ARFGEF1: variants seen among roughly 807,000 people sequenced by gnomAD.
ARFGEF1 encodes ARF guanine nucleotide exchange factor 1.
Under a neutral mutation model 231.0 loss-of-function variants are expected in ARFGEF1, and 42 were observed. That is an observed-to-expected ratio of 0.18 (90% CI 0.14 to 0.24). ARFGEF1 has a LOEUF of 0.24. Ranked by LOEUF, ARFGEF1 falls within the 10% of genes least tolerant of loss-of-function variation. ARFGEF1 has a pLI of 1.00. For synonymous variants in ARFGEF1, 710 were observed against 732.3 expected, an observed-to-expected ratio of 0.97 and a Z score of 0.49; for missense variants, 1,345 against 2,192.0, an observed-to-expected ratio of 0.61 and a Z score of 7.72.
At chr8:67,341,039 T>G (rs1357850938) in intron 1 of ARFGEF1, among the ~76,000 whole-genome samples, 2 of 152,156 alleles carry the variant, frequency 1.3e-5, no homozygotes, top group Non-Finnish European at 2.9e-5. Context: ...CATACAATCA[T>G]TAAGTTCAAT....
intron 17 of ARFGEF1, among the ~76,000 whole-genome samples, chr8:67,255,244 G>A (rs561809242): frequency 4.6e-5 from 7 of 152,166 alleles, no homozygotes; most frequent in Non-Finnish European, 1.0e-4. Context: ...TTCTGAAGCT[G>A]TATAAAACAA....
intron 14 of ARFGEF1, among the ~76,000 whole-genome samples, chr8:67,261,970 A>G (rs1456921341): frequency 2.6e-5 from 4 of 152,040 alleles, no homozygotes; most frequent in African/African-American, 9.7e-5. Context: ...TCAAGTCGTA[A>G]AAGCTGCCAT....
At chr8:67,201,048 C>CA in intron 37 of ARFGEF1, among the ~76,000 whole-genome samples, 1 of 152,352 alleles carries the variant, frequency 6.6e-6, no homozygotes, top group Middle Eastern at 3.4e-3. Context: ...TGGCATGTTT[C>CA]ATTCTTAGCC....
intron 5 of ARFGEF1, among the ~76,000 whole-genome samples, chr8:67,187,507 C>T (rs1005053816): frequency 6.6e-6 from 1 of 152,026 alleles, no homozygotes; most frequent in African/African-American, 2.4e-5. Context: ...CAAAACAACA[C>T]CTTGTCTCTA....
At chr8:67,291,320 A>T (rs1029447486) in intron 6 of ARFGEF1, among the ~76,000 whole-genome samples, 2 of 152,054 alleles carry the variant, frequency 1.3e-5, no homozygotes, top group African/African-American at 4.8e-5. Context: ...ATCAGAGAAC[A>T]TCTCAATTTT....
chr8:67,186,407 C>T (rs1834589315), intron 5 of ARFGEF1, among the ~76,000 whole-genome samples: 1 of 122,924 alleles, frequency 8.1e-6, no homozygotes, highest in Admixed American at 8.1e-5. Flanking sequence ...ATAAACCTCA[C>T]TGTTTTAAAT....
chr8:67,256,886 T>C (rs138896748), intron 17 of ARFGEF1, among the ~76,000 whole-genome samples: 6 of 152,270 alleles, frequency 3.9e-5, no homozygotes, highest in African/African-American at 1.4e-4. Context: ...TTAACTAGAG[T>C]ACTTCTCTTT....
At chr8:67,311,727 C>T (rs1423398168) in intron 1 of ARFGEF1, among the ~76,000 whole-genome samples, 2 of 152,224 alleles carry the variant, frequency 1.3e-5, no homozygotes, top group Non-Finnish European at 2.9e-5. Flanking sequence ...ACCACCCTGT[C>T]TGGGAGGTGT....
intron 10 of ARFGEF1, 59 bp downstream of exon 10, chr8:67,271,643 T>C (rs1272034624): frequency 9.7e-6 from 12 of 1,234,160 alleles, no homozygotes; most frequent in Middle Eastern, 2.1e-4. Context: ...TCAAATATAA[T>C]TTAACATGAA....
chr8:67,320,917 C>T (rs1807559552), intron 1 of ARFGEF1, among the ~76,000 whole-genome samples: 2 of 152,070 alleles, frequency 1.3e-5, no homozygotes, highest in South Asian at 4.2e-4. Context: ...GATCGCACCA[C>T]CGCACTTCAG....
chr8:67,204,878 A>C, intron 34 of ARFGEF1, 59 bp from the exon 35 acceptor site: 1 of 1,582,298 alleles, frequency 6.3e-7, no homozygotes, highest in Non-Finnish European at 8.6e-7. Context: ...AATCCTTTAT[A>C]ATTTCCATGA....
chr8:67,181,926 C>G (rs1833155347), intron 5 of ARFGEF1, among the ~76,000 whole-genome samples: 1 of 152,188 alleles, frequency 6.6e-6, no homozygotes, highest in Non-Finnish European at 1.5e-5. Flanking sequence ...CATACAGTAT[C>G]TATCCTTTGA....
downstream of ARFGEF1, chr8:67,195,546 A>G (rs1329558190): frequency 3.7e-6 from 6 of 1,614,180 alleles, no homozygotes. Context: ...GATTCCTGGA[A>G]AACCAGGCAC....
At chr8:67,240,409 G>C in intron 19 of ARFGEF1, 119 bp from the exon 20 acceptor site, 2 of 1,010,260 alleles carry the variant, frequency 2.0e-6, no homozygotes, top group Non-Finnish European at 2.8e-6. Flanking sequence ...CAGTTATCTA[G>C]AAAGCTTTCT....
chr8:67,237,154 T>C (rs1475475572), intron 22 of ARFGEF1, among the ~76,000 whole-genome samples: 1 of 152,216 alleles, frequency 6.6e-6, no homozygotes, highest in Non-Finnish European at 1.5e-5. Context: ...ATAGTTTTCA[T>C]CTGCATCTCA....
chr8:67,342,365 T>A (rs944399251), intron 1 of ARFGEF1, among the ~76,000 whole-genome samples: 9 of 152,206 alleles, frequency 5.9e-5, no homozygotes, highest in Non-Finnish European at 1.3e-4. Context: ...CCATCTGAAC[T>A]ATAAATCACA....
At chr8:67,184,677 T>G (rs1365715207) in intron 5 of ARFGEF1, among the ~76,000 whole-genome samples, 1 of 151,318 alleles carries the variant, frequency 6.6e-6, no homozygotes, top group Non-Finnish European at 1.5e-5. Context: ...TGAGCTGAAA[T>G]CGTGCCACTG....
At chr8:67,265,619 G>C (rs774976340) in intron 14 of ARFGEF1, among the ~76,000 whole-genome samples, 2 of 152,056 alleles carry the variant, frequency 1.3e-5, no homozygotes, top group Non-Finnish European at 2.9e-5. Context: ...TTGTAAGCCA[G>C]CTGGAAAAAA....
chr8:67,199,387 G>C, intron 38 of ARFGEF1: 1 of 276,998 alleles, frequency 3.6e-6, no homozygotes, highest in South Asian at 5.7e-5. Context: ...CAGCAGGCAA[G>C]TGAGTACAAA....
Sources: allele counts gnomAD v4.1 joint callset (sites outside exome capture counted in the v4.1 genomes callset), GRCh38; gene constraint gnomAD v4.1.1; transcripts MANE v1.5; gene names NCBI Gene and HGNC (gene_info 2026-07-23, HGNC 2026-07-21).